The following NOS1AP variants were observed in gnomAD, a reference collection of about 807,000 sequenced individuals.
The protein encoded by NOS1AP is nitric oxide synthase 1 adaptor protein.
NOS1AP carries 21 observed loss-of-function variants against 56.2 expected under a neutral mutation model. The ratio of observed to expected loss-of-function variants is 0.37; its 90% confidence interval spans 0.26 to 0.54. The LOEUF (loss-of-function observed/expected upper bound fraction) is 0.54. Ranked by LOEUF, NOS1AP falls within the 20% of genes least tolerant of loss-of-function variation. The pLI is 0.84. For synonymous variants in NOS1AP, 270 were observed against 274.6 expected (o/e 0.98, Z 0.17); for missense variants, 522 against 657.8 (o/e 0.79, Z 2.26).
At chr1:162,174,302 C>A (rs143221071) in intron 2 of NOS1AP, among the ~76,000 whole-genome samples, 1 of 150,524 alleles carries the variant, frequency 6.6e-6, no homozygotes, top group African/African-American at 2.4e-5. Context: ...AGCAAACTAT[C>A]GCAACGACAA....
At chr1:162,226,997 A>G (rs890232999) in intron 2 of NOS1AP, among the ~76,000 whole-genome samples, 1 of 152,278 alleles carries the variant, frequency 6.6e-6, no homozygotes, top group South Asian at 2.1e-4. Flanking sequence ...ATACTACCTG[A>G]AATGAAATGC....
rs780489330 is a variant in NOS1AP, at chr1:162,343,858, G to A, written c.477G>A (p.Arg159=). ...KKKSQAMRIV[R]TVGQAFEVCH... is the part of the protein sequence containing the mutation. Reference sequence around the variant, plus strand: ...AGAGCCAAGCTATGAGAATCGTTCGGACGGTGGGGCAGGCCTTTGAGGTCT... The same window carrying A: ...AGAGCCAAGCTATGAGAATCGTTCGAACGGTGGGGCAGGCCTTTGAGGTCT... Residue 159 remains arginine, a synonymous_variant, in exon 6 of 10, where the codon CGG becomes CGA. Coordinates refer to ENST00000361897, the MANE Select transcript of NOS1AP (RefSeq NM_014697.3). 3 of 1,614,130 alleles carry A rather than the reference G, an allele frequency of 1.9e-6. No individual in the cohort carries two copies. The highest frequency in any genetic ancestry group is 2.5e-6 in the Non-Finnish European group (3 of 1,180,018).
At chr1:162,307,674 G>A (rs367787108) in intron 4 of NOS1AP, among the ~76,000 whole-genome samples, 1 of 152,168 alleles carries the variant, frequency 6.6e-6, no homozygotes, top group Non-Finnish European at 1.5e-5. Context: ...AGCCAGGCGT[G>A]GTGGTGGGTG....
intron 8 of NOS1AP, among the ~76,000 whole-genome samples, chr1:162,362,447 A>G (rs1409680034): frequency 2.9e-5 from 1 of 34,830 alleles, no homozygotes; most frequent in Non-Finnish European, 5.8e-5. Flanking sequence ...TGAGTCTCAA[A>G]AAAAAAAAAA....
intron 1 of NOS1AP, among the ~76,000 whole-genome samples, chr1:162,151,338 A>T (rs1260647644): frequency 6.6e-6 from 1 of 152,230 alleles, no homozygotes; most frequent in Non-Finnish European, 1.5e-5. Flanking sequence ...TTTTTATGCC[A>T]GTACCATGCT....
At chr1:162,285,412 G>T (rs1216130629) in intron 2 of NOS1AP, among the ~76,000 whole-genome samples, 1 of 152,194 alleles carries the variant, frequency 6.6e-6, no homozygotes, top group Non-Finnish European at 1.5e-5. Context: ...CCACCCAGAG[G>T]TTATTTGAGT....
intron 2 of NOS1AP, among the ~76,000 whole-genome samples, chr1:162,230,160 G>A (rs150235664): frequency 6.6e-6 from 1 of 152,290 alleles, no homozygotes; most frequent in East Asian, 1.9e-4. Context: ...CCACTGGATG[G>A]TAGAGAAGTC....
intron 4 of NOS1AP, among the ~76,000 whole-genome samples, chr1:162,308,106 A>G (rs1016307583): frequency 1.7e-4 from 26 of 152,250 alleles, no homozygotes; most frequent in African/African-American, 6.3e-4. Context: ...ACAAAGTGTA[A>G]AGAGGAGAGT....
At chr1:162,102,474 G>T (rs573093989) in intron 1 of NOS1AP, among the ~76,000 whole-genome samples, 1 of 152,300 alleles carries the variant, frequency 6.6e-6, no homozygotes, top group South Asian at 2.1e-4. Context: ...ATGAGTTAGG[G>T]AGGAGTCCCT....
intron 2 of NOS1AP, among the ~76,000 whole-genome samples, chr1:162,258,878 G>T (rs564767894): frequency 6.6e-6 from 1 of 152,272 alleles, no homozygotes; most frequent in East Asian, 1.9e-4. Flanking sequence ...TAATCTTGAG[G>T]TTGGCAGGGT....
At chr1:162,127,856 A>G (rs981975908) in intron 1 of NOS1AP, among the ~76,000 whole-genome samples, 2 of 152,230 alleles carry the variant, frequency 1.3e-5, no homozygotes, top group African/African-American at 2.4e-5. Context: ...TTACAATTCG[A>G]CATGAGATTT....
intron 2 of NOS1AP, among the ~76,000 whole-genome samples, chr1:162,276,231 A>G (rs1413364710): frequency 6.6e-6 from 1 of 152,210 alleles, no homozygotes; most frequent in Non-Finnish European, 1.5e-5. Context: ...CTCTTCCTAC[A>G]TAAACCATCC....
intron 1 of NOS1AP, among the ~76,000 whole-genome samples, chr1:162,097,062 T>C (rs1033866836): frequency 6.6e-6 from 1 of 152,144 alleles, no homozygotes; most frequent in African/African-American, 2.4e-5. Context: ...ATTGCTGTGC[T>C]CTACACCCCT....
intron 4 of NOS1AP, among the ~76,000 whole-genome samples, chr1:162,308,954 A>G (rs1355876277): frequency 6.6e-6 from 1 of 152,196 alleles, no homozygotes. Context: ...CAGCTGCTGC[A>G]TGGTTAGAGA....
intron 1 of NOS1AP, among the ~76,000 whole-genome samples, chr1:162,133,800 G>T (rs887749098): frequency 1.3e-5 from 2 of 150,048 alleles, no homozygotes; most frequent in Non-Finnish European, 2.9e-5. Context: ...CTTAATTGCA[G>T]TGTGGTTAAT....
chr1:162,116,565 T>C (rs903025400), intron 1 of NOS1AP, among the ~76,000 whole-genome samples: 9 of 152,332 alleles, frequency 5.9e-5, no homozygotes, highest in African/African-American at 2.2e-4. Context: ...GGTAGTTAAA[T>C]ATGATAGATT....
chr1:162,243,341 C>A (rs1490999442), intron 2 of NOS1AP, among the ~76,000 whole-genome samples: 1 of 152,112 alleles, frequency 6.6e-6, no homozygotes, highest in Non-Finnish European at 1.5e-5. Context: ...TGGGCTCCTG[C>A]ATAAAGAGCA....
chr1:162,112,378 A>G (rs1183530587), intron 1 of NOS1AP, among the ~76,000 whole-genome samples: 1 of 152,220 alleles, frequency 6.6e-6, no homozygotes, highest in Non-Finnish European at 1.5e-5. Flanking sequence ...AGTGGAGGGT[A>G]TACAAGAGTT....
chr1:162,123,638 T>C (rs1648344616), intron 1 of NOS1AP, among the ~76,000 whole-genome samples: 1 of 152,254 alleles, frequency 6.6e-6, no homozygotes, highest in Non-Finnish European at 1.5e-5. Flanking sequence ...TACTATTCTG[T>C]GTATTTGAAA....
Sources: gnomAD v4.1 joint callset for allele counts (sites outside exome capture counted in the v4.1 genomes callset) on GRCh38, gnomAD v4.1.1 for gene constraint, MANE v1.5 for transcripts, NCBI Gene and HGNC (gene_info 2026-07-23, HGNC 2026-07-21) for gene names.